The following SCNN1B variants were observed in gnomAD, a reference collection of about 807,000 sequenced individuals.
SCNN1B encodes epithelial sodium channel subunit beta.
Under a neutral mutation model 65.3 loss-of-function variants are expected in SCNN1B, and 46 were observed. The ratio of observed to expected loss-of-function variants is 0.70; its 90% CI spans 0.56 to 0.90. SCNN1B has a LOEUF of 0.90. SCNN1B is among the 40% of genes least tolerant of loss of function. The pLI is 0.00. For missense variants in SCNN1B, 751 were observed against 830.5 expected (o/e 0.90, Z 1.18); for synonymous variants, 349 against 330.6 (o/e 1.06, Z -0.60).
Position 23,353,040 on chromosome 16 carries a change from G to A in SCNN1B, c.551G>A (p.Cys184Tyr), listed in dbSNP as rs1333009976. The A allele has an allele frequency of 2.5e-6, 4 of 1,614,152 alleles. No homozygotes were observed. The highest frequency in any genetic ancestry group is 2.5e-6 in the Non-Finnish European group (3 of 1,180,028). The change falls in exon 3 of 13, where the codon TGT becomes TAT. Residue 184 changes from cysteine to tyrosine, a missense_variant. Physicochemically the swap from Cys to Tyr is radical, Grantham distance 194 (BLOSUM62 -2). Transcript: ENST00000343070. ...AGCAGCTCAGCATCAGAAAAGATCTGTAATGCCCACGGGTGCAAAATGGCC... is the reference window on the plus strand; with the variant it reads ...AGCAGCTCAGCATCAGAAAAGATCTATAATGCCCACGGGTGCAAAATGGCC... ...LTSSSASEKI[C>Y]NAHGCKMAMR...
At chr16:23,328,907 G>A (rs947991805) in intron 1 of SCNN1B, among the ~76,000 whole-genome samples, 2 of 149,452 alleles carry the variant, frequency 1.3e-5, no homozygotes, top group East Asian at 4.0e-4. Flanking sequence ...GTGATCCTCC[G>A]ACCTCAGCCT....
rs549149797 is a variant in SCNN1B at position 23,284,222 on chromosome 16, TG to T, written n.178+420del. Among the ~76,000 whole-genome samples the T allele has an allele frequency of 2.6e-5, 4 of 152,120 alleles. No homozygotes were observed. In the East Asian group the frequency reaches 7.8e-4, roughly 29 times the overall value. The stretch of plus-strand genomic sequence containing the variant: ...GAGTTCAAGACCAGCCTGGCCAACA[TG>T]GCGAAAACCTGTGCCTACTAAAAGT... On this transcript the variant is annotated intron_variant and non_coding_transcript_variant, in intron 2 of 3. Transcript: ENST00000569789.
At chr16:23,341,917 G>T (rs554964639) in intron 1 of SCNN1B, among the ~76,000 whole-genome samples, 1 of 152,128 alleles carries the variant, frequency 6.6e-6, no homozygotes, top group East Asian at 1.9e-4. Context: ...AAACAGTCTT[G>T]CAGTTCCTCA....
intron 1 of SCNN1B, among the ~76,000 whole-genome samples, 187 bp downstream of exon 1, chr16:23,302,624 C>A (rs1961109024): frequency 1.3e-5 from 2 of 151,920 alleles, no homozygotes; most frequent in African/African-American, 4.8e-5. Context: ...GGGTTGGGGG[C>A]GGAGGGGAGA....
chr16:23,368,379 A>G (rs1032128371), intron 5 of SCNN1B, among the ~76,000 whole-genome samples: 2 of 152,116 alleles, frequency 1.3e-5, no homozygotes, highest in African/African-American at 4.8e-5. Flanking sequence ...TCTCTTAAAA[A>G]AAAAATACAA....
intron 2 of SCNN1B, among the ~76,000 whole-genome samples, chr16:23,294,479 C>T (rs1960967919): frequency 7.2e-6 from 1 of 139,688 alleles, no homozygotes; most frequent in Non-Finnish European, 1.6e-5. Context: ...CCCATCACCT[C>T]TCTGAACCCC....
At chr16:23,369,313 G>C (rs1041712950) in intron 5 of SCNN1B, among the ~76,000 whole-genome samples, 4 of 152,092 alleles carry the variant, frequency 2.6e-5, no homozygotes, top group African/African-American at 9.7e-5. Flanking sequence ...TGACCTCCTG[G>C]GCTCAAGCAA....
chr16:23,314,891 G>A (rs1056481074), intron 1 of SCNN1B, among the ~76,000 whole-genome samples: 13 of 152,216 alleles, frequency 8.5e-5, no homozygotes, highest in African/African-American at 2.7e-4. Flanking sequence ...TCCCTCCCAA[G>A]GTTTTGGATC....
chr16:23,347,262 C>A (rs1962209708), intron 1 of SCNN1B, among the ~76,000 whole-genome samples: 1 of 152,148 alleles, frequency 6.6e-6, no homozygotes, highest in Non-Finnish European at 1.5e-5. Context: ...GTCTTACCCA[C>A]CGACAGCTAG....
intron 1 of SCNN1B, among the ~76,000 whole-genome samples, chr16:23,308,304 A>G (rs909563377): frequency 7.2e-5 from 11 of 152,104 alleles, no homozygotes; most frequent in Admixed American, 2.0e-4. Flanking sequence ...GAGAGGATCA[A>G]TTGAGGCCAG....
intron 4 of SCNN1B, among the ~76,000 whole-genome samples, chr16:23,361,544 A>T (rs529794235): frequency 1.3e-5 from 2 of 152,206 alleles, no homozygotes; most frequent in East Asian, 3.8e-4. Context: ...TATTTATTCC[A>T]TCATTTATTG....
intron 2 of SCNN1B, among the ~76,000 whole-genome samples, chr16:23,286,253 G>A (rs376660654): frequency 3.3e-5 from 5 of 152,268 alleles, no homozygotes; most frequent in Middle Eastern, 3.4e-3. Flanking sequence ...TTGCAACTCC[G>A]AACAAAATGA....
At chr16:23,289,848 G>T (rs1960899398) in intron 2 of SCNN1B, among the ~76,000 whole-genome samples, 2 of 151,698 alleles carry the variant, frequency 1.3e-5, no homozygotes, top group Admixed American at 1.3e-4. Flanking sequence ...GTTAATTTTT[G>T]TATTTTTAGT....
intron 4 of SCNN1B, 23 bp from the exon 5 acceptor site, chr16:23,367,833 G>C: frequency 6.3e-7 from 1 of 1,580,348 alleles, no homozygotes; most frequent in Middle Eastern, 1.7e-4. Context: ...AACCTGCCCT[G>C]CAGCTGATGC....
At chr16:23,300,150 A>G (rs1357690269), upstream of SCNN1B, among the ~76,000 whole-genome samples, 1 of 152,170 alleles carries the variant, frequency 6.6e-6, no homozygotes, top group East Asian at 1.9e-4. Context: ...ATGAGAACAC[A>G]TGGACACAGG....
rs895980117 is a variant in SCNN1B at position 23,309,360 on chromosome 16, G to A, written c.-9+6923G>A. 1.3e-5 allele frequency among the ~76,000 whole-genome samples: 2 copies of A among 152,064 alleles called. 1 individual carries two copies. Among genetic ancestry groups the A allele is most frequent in the Admixed American group, 1.3e-4 (2 of 15,260 alleles). On this transcript the variant is annotated intron_variant, in intron 1 of 12. Transcript: ENST00000343070. ...TAACTGTATTAGTTAGGGTTCTCTA[G>A]AGGGACAGAACTCATAGGATGGATG...
chr16:23,331,465 C>A (rs1300803672), intron 1 of SCNN1B, among the ~76,000 whole-genome samples: 1 of 152,006 alleles, frequency 6.6e-6, no homozygotes, highest in East Asian at 1.9e-4. Flanking sequence ...GCTGCTATTA[C>A]AAGTACCCAC....
chr16:23,338,598 G>A (rs182294690), intron 1 of SCNN1B, among the ~76,000 whole-genome samples: 9 of 152,292 alleles, frequency 5.9e-5, no homozygotes, highest in Non-Finnish European at 1.2e-4. Flanking sequence ...GAGTCACAAA[G>A]TCAGATGTCC....
chr16:23,312,767 C>T (rs548856826), intron 1 of SCNN1B, among the ~76,000 whole-genome samples: 1 of 152,204 alleles, frequency 6.6e-6, no homozygotes, highest in African/African-American at 2.4e-5. Context: ...CCTAGCTGGG[C>T]CTCACCTCCC....
Sources: gnomAD v4.1 joint callset for allele counts (sites outside exome capture counted in the v4.1 genomes callset) on GRCh38, gnomAD v4.1.1 for gene constraint, MANE v1.5 for transcripts, NCBI Gene and HGNC (gene_info 2026-07-23, HGNC 2026-07-21) for gene names.